The following MYOM3 variants were observed in gnomAD, a reference collection of about 807,000 sequenced individuals.
MYOM3 encodes myomesin 3.
A neutral mutation model predicts 191.7 loss-of-function variants in MYOM3; 155 were observed. That is an observed-to-expected ratio of 0.81 (90% CI 0.71 to 0.92). The LOEUF is 0.92. Ranked by LOEUF, MYOM3 falls within the 40% of genes least tolerant of loss-of-function variation. The pLI, the probability that MYOM3 is intolerant of heterozygous loss-of-function variation, is 0.00. For synonymous variants in MYOM3, 757 were observed against 762.9 expected, an observed-to-expected ratio of 0.99 and a Z score of 0.13; for missense variants, 1,889 against 1,890.6, an observed-to-expected ratio of 1.00 and a Z score of 0.02.
chr1:24,057,353 G>C lies in MYOM3; in HGVS notation c.*11C>G, dbSNP rs565122525. ...GTAGACTAGACTCAGACTGTGCCTG[G>C]ACACACGCTGTCACATGCTCTTCAG... On this transcript the variant is annotated 3_prime_UTR_variant, in exon 37 of 37. Coordinates refer to ENST00000374434, the MANE Select transcript of MYOM3 (RefSeq NM_152372.4). 1 of 1,610,432 alleles carries C rather than the reference G, an allele frequency of 6.2e-7. No homozygotes were observed. Among genetic ancestry groups the C allele is most frequent in the Admixed American group, 1.7e-5 (1 of 59,928 alleles).
intron 28 of MYOM3, chr1:24,066,768 C>T (rs1447978666): frequency 8.1e-6 from 4 of 496,484 alleles, no homozygotes; most frequent in African/African-American, 7.8e-5. Flanking sequence ...CCCTCAGAAC[C>T]CCTTCTGGAG....
chr1:24,077,071 C>A lies in MYOM3; in HGVS notation c.2587-798G>T, dbSNP rs535685423. Among the ~76,000 whole-genome samples, 91 of 152,264 alleles carry A rather than the reference C, an allele frequency of 6.0e-4. 1 individual carries two copies. Among genetic ancestry groups the A allele is most frequent in the African/African-American group, 1.8e-3 (76 of 41,564 alleles). ...TCCTGACCTCAGGTGATCCACCCCC[C>A]CTTGGCCGCCGAAAGTGCTGTGATT... On this transcript the variant is annotated intron_variant, in intron 20 of 36. Transcript: ENST00000374434.
chr1:24,086,619 C>T, intron 15 of MYOM3, 25 bp downstream of exon 15: 1 of 1,606,964 alleles, frequency 6.2e-7, no homozygotes, highest in East Asian at 2.2e-5. Context: ...TGCCTCCTCC[C>T]CGACCCCCGG....
In MYOM3 at chr1:24,092,271, C is replaced by T. The variant is rs780827849; in HGVS notation, c.1135G>A (p.Val379Ile). The change falls in exon 11 of 37, where the codon GTC (valine) becomes ATC (isoleucine). Residue 379 changes from valine (V) to isoleucine (I), a missense_variant. Val to Ile is a conservative substitution (Grantham distance 29). Transcript: ENST00000374434. ...TCTCTGTTCACATCCAGGCATCGGA[C>T]GTTCAGTGGGGAGCCTGGGGCCCCG... is the stretch of plus-strand genomic sequence containing the variant. ...NPGAPGSPLN[V>I]RCLDVNRDCL... 2.1e-5 allele frequency: 29 copies of T among 1,391,674 alleles called. No individual in the cohort carries two copies. Among genetic ancestry groups the T allele is most frequent in the Non-Finnish European group, 2.5e-5 (27 of 1,062,952 alleles). The allele number at this position is 1,391,674 out of a possible 1,614,324, so 86.2% of individuals were successfully genotyped here.
chr1:24,103,814 C>G (rs922675457), intron 5 of MYOM3, among the ~76,000 whole-genome samples: 1 of 150,378 alleles, frequency 6.6e-6, no homozygotes, highest in African/African-American at 2.5e-5. Flanking sequence ...CTGCACAGAT[C>G]TCCCCCCGCC....
Position 24,108,413 on chromosome 1 carries a change from C to G in MYOM3, c.161+63G>C, listed in dbSNP as rs1345646416. 3.5e-6 allele frequency: 5 copies of G among 1,439,944 alleles called. No individual in the cohort carries two copies. In the African/African-American group the frequency reaches 7.2e-5, roughly 21 times the overall value. 89.2% of individuals were successfully genotyped at this position (1,439,944 alleles called of 1,614,324 possible). A position where few individuals can be genotyped will look rare whatever the true frequency, so the allele number is the denominator to read the frequency against. Reference sequence around the variant, plus strand: ...CCTCCAGAGGGCTAGGCTGGGCCTCCCTCCTCAGACTGGGGGCCCTGGGAA... The same window carrying G: ...CCTCCAGAGGGCTAGGCTGGGCCTCGCTCCTCAGACTGGGGGCCCTGGGAA... On this transcript the variant is annotated intron_variant, in intron 2 of 36. Transcript: ENST00000374434.
chr1:24,092,020 A>T (rs1216981705), intron 11 of MYOM3, among the ~76,000 whole-genome samples, 154 bp downstream of exon 11: 1 of 152,060 alleles, frequency 6.6e-6, no homozygotes, highest in Non-Finnish European at 1.5e-5. Flanking sequence ...ATTGCCCCTA[A>T]ATGACACAGC....
chr1:24,095,468 G>A lies in MYOM3; in HGVS notation c.764C>T (p.Ala255Val), dbSNP rs1643874076. The change falls in exon 8 of 37, where the codon GCT becomes GTT. Residue 255 changes from alanine (A) to valine (V), a missense_variant. By Grantham distance (64) the Ala-to-Val change is moderately conservative. Transcript: ENST00000374434. ...VLVRTYLGKD[A>V]GFDSEIFKRS... ...TTTGAAGATCTCTGAATCGAAGCCA[G>A]CATCCTTCCCCAGGTAAGCTGAAAA... 1.2e-6 allele frequency: 2 copies of A among 1,612,908 alleles called. No homozygotes were observed. The highest frequency in any genetic ancestry group is 1.7e-6 in the Non-Finnish European group (2 of 1,179,306).
intron 11 of MYOM3, 130 bp from the exon 12 acceptor site, chr1:24,091,126 C>T (rs1643817541): frequency 1.3e-5 from 14 of 1,092,572 alleles, no homozygotes; most frequent in Non-Finnish European, 1.7e-5. Flanking sequence ...AAGTTCTTCT[C>T]TCCAATGGAA....
chr1:24,081,314 C>T lies in MYOM3; in HGVS notation c.2407+16G>A, dbSNP rs201450188. 162 of 1,612,880 alleles carry T rather than the reference C, an allele frequency of 1.0e-4. No homozygotes were observed. In the African/African-American group the frequency reaches 2.1e-3, roughly 20 times the overall value. On this transcript the variant is annotated intron_variant, in intron 19 of 36. Coordinates refer to ENST00000374434, the MANE Select transcript of MYOM3 (RefSeq NM_152372.4). ...GGAAGGGCAGGCACTGGACTTCAGG[C>T]CTGCAGGCCTCTCACCTGGCTGGGG...
At chr1:24,091,660 C>G (rs111321113) in intron 11 of MYOM3, among the ~76,000 whole-genome samples, 1,712 of 152,268 alleles carry the variant, frequency 0.011, 28 homozygotes, top group African/African-American at 0.04. Flanking sequence ...AGAGACGGGT[C>G]ATTGGAAGGA....
In MYOM3 at chr1:24,080,070, G is replaced by A; in HGVS notation, c.2532C>T (p.Gly844=). 1.2e-6 allele frequency: 2 copies of A among 1,614,104 alleles called. No homozygotes were observed. The highest frequency in any genetic ancestry group is 1.7e-6 in the Non-Finnish European group (2 of 1,179,994). ...TGYHVSFQEE[G]SEQWKPVTPG... Reference sequence around the variant, plus strand: ...GGGTGACCGGCTTCCACTGCTCAGAGCCTTCCTCCTGGAAACTGACGTGAT... The same window carrying A: ...GGGTGACCGGCTTCCACTGCTCAGAACCTTCCTCCTGGAAACTGACGTGAT... The change falls in exon 20 of 37, where the codon GGC becomes GGT. Residue 844 remains glycine, a synonymous_variant. Transcript: ENST00000374434.
Position 24,057,449 on chromosome 1 carries a change from T to C in MYOM3, c.4229A>G (p.Lys1410Arg), listed in dbSNP as rs1643316344. 1 of 1,614,248 alleles carries C rather than the reference T, an allele frequency of 6.2e-7. No homozygotes were observed. Among genetic ancestry groups the C allele is most frequent in the Non-Finnish European group, 8.5e-7 (1 of 1,180,056 alleles). The change falls in exon 37 of 37, where the codon AAG becomes AGG. Residue 1410 changes from lysine (K) to arginine (R), a missense_variant. Transcript: ENST00000374434. ...GCCCGTCTCGGAGCCATACTTGTTCTTGACGAAGACGCCGTAGCGGCCGCT... is the reference window on the plus strand; with the variant it reads ...GCCCGTCTCGGAGCCATACTTGTTCCTGACGAAGACGCCGTAGCGGCCGCT... Reference protein sequence around the residue: ...EDSGRYGVFVKNKYGSETGQV... With the variant: ...EDSGRYGVFVRNKYGSETGQV...
chr1:24,061,381 TG>T, intron 33 of MYOM3, 72 bp from the exon 34 acceptor site: 1 of 1,498,234 alleles, frequency 6.7e-7, no homozygotes, highest in South Asian at 1.2e-5. Flanking sequence ...AGGGTGACCC[TG>T]GGAGCAAAGC....
Position 24,098,407 on chromosome 1 carries a change from A to C in MYOM3, c.657-396T>G, listed in dbSNP as rs112296066. The stretch of plus-strand genomic sequence containing the variant: ...GCCTCCTCCTTTCTCAGAGAGCAGC[A>C]GACAAACTTGGTCAAGGCAGGCTGC... On this transcript the variant is annotated intron_variant, in intron 6 of 36. Coordinates refer to ENST00000374434, the MANE Select transcript of MYOM3 (RefSeq NM_152372.4). Among the ~76,000 whole-genome samples, 877 of 152,366 alleles carry C rather than the reference A, an allele frequency of 5.8e-3. 11 individuals are homozygous for C. Among genetic ancestry groups the C allele is most frequent in the African/African-American group, 0.019 (789 of 41,588 alleles).
intron 4 of MYOM3, among the ~76,000 whole-genome samples, chr1:24,106,510 T>C (rs1643984510): frequency 6.6e-6 from 1 of 152,158 alleles, no homozygotes; most frequent in Non-Finnish European, 1.5e-5. Flanking sequence ...AAAGTCACTT[T>C]CCAAACCCAG....
At chr1:24,081,223 AG>A in intron 19 of MYOM3, 106 bp downstream of exon 19, 1 of 1,409,946 alleles carries the variant, frequency 7.1e-7, no homozygotes, top group Non-Finnish European at 9.7e-7. Flanking sequence ...CAGGACAAAC[AG>A]TGCAAGCCTG....
chr1:24,078,409 G>A (rs1279090983), intron 20 of MYOM3, among the ~76,000 whole-genome samples: 12 of 152,136 alleles, frequency 7.9e-5, no homozygotes, highest in Admixed American at 7.2e-4. Context: ...GAGACCCGCC[G>A]TGCCCAGCCA....
chr1:24,072,536 G>A (rs1450402492), intron 23 of MYOM3, among the ~76,000 whole-genome samples: 1 of 151,808 alleles, frequency 6.6e-6, no homozygotes, highest in Non-Finnish European at 1.5e-5. Context: ...CTTCTTGTTC[G>A]TTTTTTCTTT....
Sources: allele counts gnomAD v4.1 joint callset (sites outside exome capture counted in the v4.1 genomes callset), GRCh38; gene constraint gnomAD v4.1.1; transcripts MANE v1.5; gene names NCBI Gene and HGNC (gene_info 2026-07-23, HGNC 2026-07-21).